Variants in CAMK2B observed in about 807,000 individuals in gnomAD.
The protein encoded by CAMK2B is calcium/calmodulin dependent protein kinase II beta.
CAMK2B carries 27 observed loss-of-function variants against 93.7 expected under a neutral mutation model. The observed-to-expected ratio is 0.29, with a 90% confidence interval of 0.21 to 0.40. The LOEUF is 0.40. Among genes scored for constraint, CAMK2B ranks in the 10% least tolerant of loss-of-function variants. The pLI, the probability that CAMK2B is intolerant of heterozygous loss-of-function variation, is 1.00. For synonymous variants in CAMK2B, 374 were observed against 358.8 expected (o/e 1.04, Z -0.48); for missense variants, 568 against 895.8 (o/e 0.63, Z 4.67).
rs1238936953 is a variant in CAMK2B at position 44,286,875 on chromosome 7, G to A, written c.66-2650C>T. Among the ~76,000 whole-genome samples, 1 of 152,062 alleles carries A rather than the reference G, an allele frequency of 6.6e-6. No homozygotes were observed. Among genetic ancestry groups the A allele is most frequent in the Non-Finnish European group, 1.5e-5 (1 of 67,990 alleles). ...GCCTCGGGATGAGTGTGGAGTGGGAGCACCAGGCCGCACAGCTGTAGTGAC... is the reference window on the plus strand; with the variant it reads ...GCCTCGGGATGAGTGTGGAGTGGGAACACCAGGCCGCACAGCTGTAGTGAC... On this transcript the variant is annotated intron_variant, in intron 1 of 23. Transcript: ENST00000395749. This position sits in a 1 kb window ranked among gnomAD's most constrained non-coding sequence, Gnocchi z 4.0.
At position 44,312,676 on chromosome 7, in the gene CAMK2B, A is replaced by G. The variant is rs558940836; in HGVS notation, c.65+12681T>C. On this transcript the variant is annotated intron_variant, in intron 1 of 23. Transcript: ENST00000395749. This position sits in a 1 kb window ranked among gnomAD's most constrained non-coding sequence, Gnocchi z 4.1. ...GTGAGAAAAAGAGAGGGAGAGAAACAGAGAGACAGAGGAGACAGAGAAAGA... is the reference window on the plus strand; with the variant it reads ...GTGAGAAAAAGAGAGGGAGAGAAACGGAGAGACAGAGGAGACAGAGAAAGA... 6.6e-5 allele frequency among the ~76,000 whole-genome samples: 10 copies of G among 152,326 alleles called. No individual in the cohort carries two copies. The highest frequency in any genetic ancestry group is 2.2e-4 in the African/African-American group (9 of 41,574).
Position 44,259,262 on chromosome 7 carries a change from A to G in CAMK2B, c.221-336T>C, listed in dbSNP as rs1328735227. On this transcript the variant is annotated intron_variant, in intron 3 of 23. Coordinates refer to ENST00000395749, the MANE Select transcript of CAMK2B (RefSeq NM_001220.5). ...TCCTTTTGGTCCCAGCCTGGGCCTC[A>G]GCTGCTCCCAAACACCACGGAGATC... 4 of 272,680 alleles carry G rather than the reference A, an allele frequency of 1.5e-5. No individual in the cohort carries two copies. The Admixed American group carries it at 1.7e-4, about 11-fold the overall frequency. The allele number at this position is 272,680 out of a possible 1,614,324, so 16.9% of individuals were successfully genotyped here.
At chr7:44,247,645 GGT>G (rs1316562425) in intron 5 of CAMK2B, among the ~76,000 whole-genome samples, 2 of 151,960 alleles carry the variant, frequency 1.3e-5, no homozygotes, top group African/African-American at 4.8e-5. Flanking sequence ...GGGCTGCCCT[GGT>G]GTGTGAGAAA....
chr7:44,295,392 T>G (rs1200131995), intron 1 of CAMK2B, among the ~76,000 whole-genome samples: 1 of 152,224 alleles, frequency 6.6e-6, no homozygotes, highest in East Asian at 1.9e-4. Flanking sequence ...AATTGGCAGA[T>G]AGAGAGAATT....
chr7:44,274,055 T>G (rs1361951558), intron 2 of CAMK2B, among the ~76,000 whole-genome samples: 2 of 152,168 alleles, frequency 1.3e-5, no homozygotes. Flanking sequence ...CACCTCCGGA[T>G]GAGAGCATCT....
intron 2 of CAMK2B, among the ~76,000 whole-genome samples, chr7:44,269,581 G>T (rs575131872): frequency 1.9e-4 from 29 of 152,252 alleles, no homozygotes; most frequent in African/African-American, 6.5e-4. Flanking sequence ...AGAGGAACCA[G>T]GGATAAGGGG....
intron 5 of CAMK2B, among the ~76,000 whole-genome samples, chr7:44,254,242 C>T (rs1285105283): frequency 1.3e-5 from 2 of 152,228 alleles, no homozygotes; most frequent in African/African-American, 4.8e-5. Context: ...CCTGAGGGTC[C>T]ACGGGAAGCC....
At chr7:44,302,794 T>C (rs1790434577) in intron 1 of CAMK2B, among the ~76,000 whole-genome samples, 1 of 152,126 alleles carries the variant, frequency 6.6e-6, no homozygotes, top group Non-Finnish European at 1.5e-5. Context: ...AGACCTACAG[T>C]TTACACCATA....
At chr7:44,243,557 A>G (rs1355819823) in intron 6 of CAMK2B, 30 bp from the exon 7 acceptor site, 6 of 1,586,048 alleles carry the variant, frequency 3.8e-6, no homozygotes, top group Middle Eastern at 3.4e-4. Flanking sequence ...ACAAGGGTGC[A>G]TGTTGTTTAA....
intron 1 of CAMK2B, among the ~76,000 whole-genome samples, chr7:44,295,338 G>T (rs1299498413): frequency 1.3e-5 from 2 of 152,236 alleles, no homozygotes; most frequent in Non-Finnish European, 2.9e-5. Context: ...ACTCTTCTTA[G>T]ATCCATCAGA....
At chr7:44,298,265 G>A (rs997478868) in intron 1 of CAMK2B, among the ~76,000 whole-genome samples, 2 of 152,114 alleles carry the variant, frequency 1.3e-5, no homozygotes, top group East Asian at 1.9e-4. Flanking sequence ...TTCAACAAAC[G>A]TGTCAAGGGT....
intron 1 of CAMK2B, among the ~76,000 whole-genome samples, chr7:44,310,087 G>A (rs1162729785): frequency 6.6e-6 from 1 of 152,268 alleles, no homozygotes; most frequent in Non-Finnish European, 1.5e-5. Flanking sequence ...GGGCGGGGGC[G>A]CTTTGGGAGT....
At chr7:44,261,457 G>A (rs2096878583) in intron 3 of CAMK2B, among the ~76,000 whole-genome samples, 1 of 152,208 alleles carries the variant, frequency 6.6e-6, no homozygotes, top group African/African-American at 2.4e-5. Flanking sequence ...TCTCATGGTG[G>A]GGGCTGCCCC....
intron 8 of CAMK2B, among the ~76,000 whole-genome samples, chr7:44,242,869 A>C (rs1319354780): frequency 1.3e-5 from 2 of 152,128 alleles, no homozygotes; most frequent in Middle Eastern, 3.2e-3. Context: ...CACAGGGATG[A>C]GGGTGATGTC....
intron 1 of CAMK2B, among the ~76,000 whole-genome samples, chr7:44,293,959 C>A (rs779050737): frequency 6.6e-6 from 1 of 152,244 alleles, no homozygotes; most frequent in Admixed American, 6.5e-5. Flanking sequence ...GGAACTGCTA[C>A]AGCCGGGACC....
chr7:44,320,976 AGGAGAGCCAGGGCAGGGGGCATCTG>A (rs567198887), intron 1 of CAMK2B, among the ~76,000 whole-genome samples: 1 of 152,244 alleles, frequency 6.6e-6, no homozygotes, highest in Non-Finnish European at 1.5e-5. Flanking sequence ...GGGAGGCAAA[AGGAGAGCCAGGGCAGGGGGCATCTG>A]GGAGAGCCTG....
At chr7:44,245,074 G>A in intron 6 of CAMK2B, 1 of 420,386 alleles carries the variant, frequency 2.4e-6, no homozygotes, top group South Asian at 1.7e-5. Flanking sequence ...ACCCAGCCCA[G>A]AGCAGACTTG....
In CAMK2B at chr7:44,228,512, C is replaced by G. The variant is rs538860153; in HGVS notation, c.1468+284G>C. Among the ~76,000 whole-genome samples the G allele has an allele frequency of 4.9e-4, 75 of 152,132 alleles. 1 individual carries two copies. The highest frequency in any genetic ancestry group is 1.7e-3 in the African/African-American group (72 of 41,490). On this transcript the variant is annotated intron_variant, in intron 19 of 23. Transcript: ENST00000395749. The stretch of plus-strand genomic sequence containing the variant: ...TCGGAGGGGCCAGGGCTGCCCAGGG[C>G]TGGGACAGACATTTTGGAGAGGGGC...
chr7:44,229,562 T>A, intron 17 of CAMK2B, 61 bp from the exon 18 acceptor site: 1 of 484,538 alleles, frequency 2.1e-6, no homozygotes, highest in East Asian at 8.1e-5. Context: ...AGAAGGCAAC[T>A]GGAGAAGGAC....
Sources: allele counts gnomAD v4.1 joint callset (sites outside exome capture counted in the v4.1 genomes callset), GRCh38; gene constraint gnomAD v4.1.1; non-coding constraint Gnocchi (gnomAD v3.1); transcripts MANE v1.5; gene names NCBI Gene and HGNC (gene_info 2026-07-23, HGNC 2026-07-21).